UTP6: variants seen among roughly 807,000 people sequenced by gnomAD.
UTP6 encodes the protein U3 small nucleolar RNA-associated protein 6 homolog.
Under a neutral mutation model 96.5 loss-of-function variants are expected in UTP6, and 60 were observed. The ratio of observed to expected loss-of-function variants is 0.62; its 90% confidence interval spans 0.51 to 0.77. UTP6 has a LOEUF of 0.77. Ranked by LOEUF, UTP6 falls within the 30% of genes least tolerant of loss-of-function variation. The pLI is 0.00. For missense variants in UTP6, 637 were observed against 706.5 expected, an observed-to-expected ratio of 0.90 and a Z score of 1.12; for synonymous variants, 215 against 240.1, an observed-to-expected ratio of 0.90 and a Z score of 0.96.
At chr17:31,897,411 G>C (rs2142327111) in intron 2 of UTP6, among the ~76,000 whole-genome samples, 1 of 140,184 alleles carries the variant, frequency 7.1e-6, no homozygotes, top group Middle Eastern at 3.7e-3. Flanking sequence ...GCTGTCTTTT[G>C]TCTTTTTAAA....
At chr17:31,874,024 A>G (rs1166576577) in intron 14 of UTP6, 2 of 382,706 alleles carry the variant, frequency 5.2e-6, no homozygotes, top group East Asian at 1.1e-4. Flanking sequence ...CCTTCTGACC[A>G]AGTCACTCAG....
intron 16 of UTP6, among the ~76,000 whole-genome samples, chr17:31,871,646 C>A (rs141938702): frequency 3.3e-4 from 50 of 152,228 alleles, no homozygotes; most frequent in African/African-American, 1.2e-3. Context: ...GTAATCCCAG[C>A]ATTTTGGGAG....
chr17:31,868,374 G>C (rs915707836), intron 16 of UTP6, among the ~76,000 whole-genome samples: 1 of 114,822 alleles, frequency 8.7e-6, no homozygotes, highest in African/African-American at 3.3e-5. Context: ...TTGTCACCCA[G>C]GCTGGAGTGC....
chr17:31,863,129 C>A lies in UTP6; in HGVS notation c.*230G>T, dbSNP rs571722538. 2 of 496,030 alleles carry A rather than the reference C, an allele frequency of 4.0e-6. No individual in the cohort carries two copies. Among genetic ancestry groups the A allele is most frequent in the Non-Finnish European group, 7.2e-6 (2 of 279,680 alleles). The allele number at this position is 496,030 out of a possible 1,614,324, so 30.7% of individuals were successfully genotyped here. ...TCTGAGGTGAGAAGGTCACTTGAGT[C>A]CAGGAGTTCAAGACCAGCCAGGGCA... On this transcript the variant is annotated 3_prime_UTR_variant, in exon 19 of 19. Coordinates refer to ENST00000261708, the MANE Select transcript of UTP6 (RefSeq NM_018428.3).
intron 13 of UTP6, among the ~76,000 whole-genome samples, chr17:31,877,187 A>G (rs1180595434): frequency 2.0e-5 from 3 of 152,194 alleles, no homozygotes; most frequent in Non-Finnish European, 4.4e-5. Flanking sequence ...CAACGCTTCA[A>G]TTTGGGACTT....
chr17:31,867,294 A>G (rs1010055377), intron 17 of UTP6, among the ~76,000 whole-genome samples: 4 of 151,732 alleles, frequency 2.6e-5, no homozygotes, highest in Non-Finnish European at 4.4e-5. Flanking sequence ...GATCACCTGA[A>G]GTCAGGAGTT....
At chr17:31,884,358 C>T in intron 10 of UTP6, 66 bp downstream of exon 10, 1 of 1,301,462 alleles carries the variant, frequency 7.7e-7, no homozygotes, top group Non-Finnish European at 1.1e-6. Context: ...ACTAAATATC[C>T]AACCTCAAAC....
chr17:31,896,524 C>T (rs924911826), intron 2 of UTP6, among the ~76,000 whole-genome samples: 3 of 151,962 alleles, frequency 2.0e-5, no homozygotes, highest in Non-Finnish European at 4.4e-5. Context: ...ATTTTCTTCT[C>T]GATTTACAGT....
At chr17:31,867,251 T>G (rs576518409) in intron 17 of UTP6, among the ~76,000 whole-genome samples, 2 of 152,290 alleles carry the variant, frequency 1.3e-5, no homozygotes, top group African/African-American at 4.8e-5. Context: ...CTCACACCTG[T>G]AATCCCAGCA....
At chr17:31,896,643 A>ATTTT (rs147716521) in intron 2 of UTP6, among the ~76,000 whole-genome samples, 2 of 146,800 alleles carry the variant, frequency 1.4e-5, no homozygotes, top group African/African-American at 2.7e-5. Flanking sequence ...CACAGAAAAA[A>ATTTT]ATTTTTTTTT....
intron 8 of UTP6, among the ~76,000 whole-genome samples, chr17:31,886,283 TG>T (rs2142312196): frequency 6.6e-6 from 1 of 152,342 alleles, no homozygotes; most frequent in African/African-American, 2.4e-5. Flanking sequence ...CAAGATCACA[TG>T]GCTTAAGGCC....
intron 16 of UTP6, among the ~76,000 whole-genome samples, chr17:31,871,182 C>A (rs1011829309): frequency 5.9e-5 from 9 of 151,586 alleles, no homozygotes; most frequent in Admixed American, 5.9e-4. Context: ...TTAGTAGAGA[C>A]GGGGTTTCAT....
At chr17:31,876,537 G>A (rs946654588) in intron 13 of UTP6, among the ~76,000 whole-genome samples, 2 of 151,742 alleles carry the variant, frequency 1.3e-5, no homozygotes, top group Non-Finnish European at 2.9e-5. Context: ...CCGGCTACTC[G>A]GGAGGCTGAG....
intron 6 of UTP6, among the ~76,000 whole-genome samples, chr17:31,890,228 T>G (rs1332692174): frequency 6.6e-6 from 1 of 151,720 alleles, no homozygotes; most frequent in Non-Finnish European, 1.5e-5. Context: ...ACTCCTGATC[T>G]CAAATGATCT....
At position 31,894,625 on chromosome 17, in the gene UTP6, A is replaced by G; in HGVS notation, c.312+20T>C. 4 of 1,548,612 alleles carry G rather than the reference A, an allele frequency of 2.6e-6. No individual in the cohort carries two copies. The South Asian group carries it at 4.6e-5, about 18-fold the overall frequency. ...CTTATCTTCACATCTCATAAAGTTA[A>G]GGATGCCTTGATCACTCACTTTCCA... On this transcript the variant is annotated intron_variant, in intron 4 of 18. Coordinates refer to ENST00000261708, the MANE Select transcript of UTP6 (RefSeq NM_018428.3).
rs549011918 is a variant in UTP6 at position 31,883,615 on chromosome 17, A to C, written c.785+809T>G. 1.8e-3 allele frequency among the ~76,000 whole-genome samples: 275 copies of C among 151,510 alleles called. 2 individuals carry two copies. Among genetic ancestry groups the C allele is most frequent in the African/African-American group, 6.5e-3 (270 of 41,332 alleles). ...CAGGCTTAAGCCACCGTGCCTGGCT[A>C]GATTTTTTTTTTTTATTGAATAAAC... On this transcript the variant is annotated intron_variant, in intron 10 of 18. Transcript: ENST00000261708.
At chr17:31,868,721 C>T (rs1368735103) in intron 16 of UTP6, among the ~76,000 whole-genome samples, 1 of 152,112 alleles carries the variant, frequency 6.6e-6, no homozygotes, top group African/African-American at 2.4e-5. Flanking sequence ...TCAGTAATTC[C>T]ATTTCTAGGA....
Position 31,877,122 on chromosome 17 carries a change from G to C in UTP6, c.1125+1128C>G, listed in dbSNP as rs1910543673. Among the ~76,000 whole-genome samples, 2 of 152,202 alleles carry C rather than the reference G, an allele frequency of 1.3e-5. 1 individual carries two copies. Among genetic ancestry groups the C allele is most frequent in the South Asian group, 4.1e-4 (2 of 4,826 alleles). The stretch of plus-strand genomic sequence containing the variant: ...AGAGTTGGACATAACATAAACTAAA[G>C]CAAATTTTTCTGAAATTCAATTTGA... On this transcript the variant is annotated intron_variant, in intron 13 of 18. Transcript: ENST00000261708.
At chr17:31,890,701 T>C (rs1033875228) in intron 6 of UTP6, among the ~76,000 whole-genome samples, 1 of 151,712 alleles carries the variant, frequency 6.6e-6, no homozygotes, top group African/African-American at 2.4e-5. Flanking sequence ...AGAGAAATTA[T>C]AGGGCAAGCC....
Sources: gnomAD v4.1 joint callset for allele counts (sites outside exome capture counted in the v4.1 genomes callset) on GRCh38, gnomAD v4.1.1 for gene constraint, MANE v1.5 for transcripts, NCBI Gene and HGNC (gene_info 2026-07-23, HGNC 2026-07-21) for gene names.